Variants in MEI1 observed in about 807,000 individuals in gnomAD.
MEI1 encodes meiotic double-stranded break formation protein 1, also known as meiosis inhibitor protein 1.
MEI1 carries 103 observed loss-of-function variants against 146.2 expected under a neutral mutation model. The observed-to-expected ratio is 0.70, with a 90% confidence interval of 0.60 to 0.83. MEI1 has a LOEUF of 0.83. Among genes scored for constraint, MEI1 ranks in the 40% least tolerant of loss-of-function variants. The pLI is 0.00. For synonymous variants in MEI1, 652 were observed against 628.2 expected (o/e 1.04, Z -0.57); for missense variants, 1,529 against 1,533.0 (o/e 1.00, Z 0.04).
chr22:41,699,514 G>A lies in MEI1; in HGVS notation c.-25G>A, dbSNP rs764481259. 2.1e-5 allele frequency: 33 copies of A among 1,595,434 alleles called. No individual in the cohort carries two copies. The African/African-American group carries it at 2.7e-4, about 13-fold the overall frequency. ...TGCAGTCTGCGCGGGAAAGAGTGCCGCCTCAGCTGAGGGCAAGCGAGGAGA... is the reference window on the plus strand; with the variant it reads ...TGCAGTCTGCGCGGGAAAGAGTGCCACCTCAGCTGAGGGCAAGCGAGGAGA... On this transcript the variant is annotated 5_prime_UTR_variant, in exon 1 of 31. Transcript: ENST00000401548.
At chr22:41,740,450 A>G (rs2072764529) in intron 11 of MEI1, among the ~76,000 whole-genome samples, 1 of 152,128 alleles carries the variant, frequency 6.6e-6, no homozygotes, top group East Asian at 1.9e-4. Flanking sequence ...TGCTAAAAAG[A>G]ATTTAAAGAG....
chr22:41,737,121 C>T (rs1340800370), intron 11 of MEI1, among the ~76,000 whole-genome samples: 3 of 152,208 alleles, frequency 2.0e-5, no homozygotes, highest in African/African-American at 7.2e-5. Flanking sequence ...ATAATATTCC[C>T]TTAAATCATT....
intron 19 of MEI1, among the ~76,000 whole-genome samples, chr22:41,766,276 A>G (rs990143892): frequency 1.3e-5 from 2 of 151,382 alleles, no homozygotes; most frequent in African/African-American, 4.9e-5. Flanking sequence ...GGTTCAAGCA[A>G]TTATCCTGCC....
At chr22:41,765,179 C>A (rs991554017) in intron 19 of MEI1, among the ~76,000 whole-genome samples, 2 of 152,184 alleles carry the variant, frequency 1.3e-5, no homozygotes, top group African/African-American at 4.8e-5. Flanking sequence ...CCACGCCCAG[C>A]TAATTATTGT....
At chr22:41,784,503 T>C (rs2075880702) in intron 25 of MEI1, 83 bp downstream of exon 25, 2 of 1,595,824 alleles carry the variant, frequency 1.3e-6, no homozygotes, top group African/African-American at 1.3e-5. Context: ...CAGCCAATGG[T>C]CACTCCATAA....
At chr22:41,702,797 C>A (rs1463946725) in intron 1 of MEI1, among the ~76,000 whole-genome samples, 1 of 150,910 alleles carries the variant, frequency 6.6e-6, no homozygotes, top group Non-Finnish European at 1.5e-5. Context: ...TTGCTCTTGT[C>A]CCCCAGGCTG....
At chr22:41,780,188 G>T (rs1382373942) in intron 22 of MEI1, among the ~76,000 whole-genome samples, 1 of 152,198 alleles carries the variant, frequency 6.6e-6, no homozygotes, top group Non-Finnish European at 1.5e-5. Context: ...GGGAGTAACA[G>T]GCTGAAACCC....
At position 41,793,048 on chromosome 22, in the gene MEI1, T is replaced by C. The variant is rs1423917376; in HGVS notation, c.3346-781T>C. Among the ~76,000 whole-genome samples the C allele has an allele frequency of 9.6e-3, 1,311 of 136,610 alleles. 46 individuals are homozygous for C. Among genetic ancestry groups the C allele is most frequent in the African/African-American group, 0.033 (1,259 of 37,618 alleles). 89.6% of individuals were successfully genotyped at this position (136,610 alleles called of 152,430 possible). A position where few individuals can be genotyped will look rare whatever the true frequency, so the allele number is the denominator to read the frequency against. On this transcript the variant is annotated intron_variant, in intron 26 of 30. Coordinates refer to ENST00000401548, the MANE Select transcript of MEI1 (RefSeq NM_152513.4). Reference sequence around the variant, plus strand: ...CAAAGCATTCTTTTTTTTTTTTTTTTTTTTTTTTTTTTTTTCAGATAGAGT... The same window carrying C: ...CAAAGCATTCTTTTTTTTTTTTTTTCTTTTTTTTTTTTTTTCAGATAGAGT...
chr22:41,792,476 C>T (rs573651607), intron 26 of MEI1, among the ~76,000 whole-genome samples: 3 of 152,230 alleles, frequency 2.0e-5, no homozygotes, highest in Admixed American at 2.0e-4. Flanking sequence ...ATGAGAACAG[C>T]CTCTATTCCC....
chr22:41,751,772 T>TAAA (rs35211694), intron 15 of MEI1, among the ~76,000 whole-genome samples: 14 of 119,400 alleles, frequency 1.2e-4, no homozygotes, highest in African/African-American at 4.3e-4. Flanking sequence ...AACTCCATCT[T>TAAA]AAAAAAAAAA....
intron 6 of MEI1, among the ~76,000 whole-genome samples, chr22:41,721,866 G>A (rs1016659591): frequency 1.3e-5 from 2 of 150,952 alleles, no homozygotes; most frequent in East Asian, 3.9e-4. Flanking sequence ...GACTACAGGC[G>A]CGTGCTACCA....
intron 9 of MEI1, among the ~76,000 whole-genome samples, chr22:41,731,131 G>A (rs903902197): frequency 1.4e-5 from 2 of 142,848 alleles, no homozygotes; most frequent in African/African-American, 5.4e-5. Flanking sequence ...TCGGCTCACT[G>A]CCACCTCTGC....
In MEI1 at chr22:41,781,759, GC is replaced by G. The variant is rs781738194; in HGVS notation, c.3002del (p.Ala1001GlufsTer42). 3 of 1,613,960 alleles carry G rather than the reference GC, an allele frequency of 1.9e-6. No individual in the cohort carries two copies. The East Asian group carries it at 6.7e-5, about 36-fold the overall frequency. ...EKMLALTLAKADSPRTALLCS... is the reference protein window; with the variant it reads ...EKMLALTLAKXDSPRTALLCS... Reference sequence around the variant, plus strand: ...GATGCTGGCCCTCACCTTGGCAAAGGCAGATTCTCCCAGGACTGCACTCCTC... The same window carrying G: ...GATGCTGGCCCTCACCTTGGCAAAGGAGATTCTCCCAGGACTGCACTCCTC... On this transcript the variant is annotated frameshift_variant, in exon 24 of 31. Coordinates refer to ENST00000401548, the MANE Select transcript of MEI1 (RefSeq NM_152513.4). LOFTEE classifies it high-confidence loss of function.
chr22:41,745,885 G>A lies in MEI1; in HGVS notation c.1539G>A (p.Arg513=), dbSNP rs767447646. The A allele has an allele frequency of 6.2e-7, 1 of 1,604,948 alleles. No homozygotes were observed. The highest frequency in any genetic ancestry group is 1.7e-5 in the Admixed American group (1 of 59,560). Residue 513 remains arginine (R), a splice_region_variant and synonymous_variant, in exon 14 of 31, where the codon AGG becomes AGA. Transcript: ENST00000401548. The part of the protein sequence containing the change: ...STLEGFRSAC[R]LAIEFQSEPS... ...ATATACTCACACATTGATTTCTTAG[G>A]TTGGCTATAGAATTCCAGAGTGAGC...
chr22:41,793,365 A>G (rs1162536927), intron 26 of MEI1, among the ~76,000 whole-genome samples: 1 of 151,922 alleles, frequency 6.6e-6, no homozygotes, highest in Non-Finnish European at 1.5e-5. Context: ...CAAGTGGTGC[A>G]ATCTCAGCTC....
At chr22:41,729,416 A>G in intron 7 of MEI1, among the ~76,000 whole-genome samples, 1 of 152,162 alleles carries the variant, frequency 6.6e-6, no homozygotes, top group Non-Finnish European at 1.5e-5. Flanking sequence ...TAACAGTTAC[A>G]GTGTTCTTTG....
chr22:41,742,550 A>T (rs972752290), intron 11 of MEI1, among the ~76,000 whole-genome samples: 4 of 152,224 alleles, frequency 2.6e-5, no homozygotes, highest in Non-Finnish European at 5.9e-5. Flanking sequence ...TCCCCATAAT[A>T]AGTCTATGAG....
In MEI1 at chr22:41,727,695, C is replaced by A. The variant is rs568123852; in HGVS notation, c.865-1970C>A. ...TCATACTCATAGCTACGATTTACGG[C>A]AGTGTAAGGAAAGCAGTATCAGCAA... On this transcript the variant is annotated intron_variant, in intron 7 of 30. Coordinates refer to ENST00000401548, the MANE Select transcript of MEI1 (RefSeq NM_152513.4). Among the ~76,000 whole-genome samples, 3 of 152,192 alleles carry A rather than the reference C, an allele frequency of 2.0e-5. No homozygotes were observed. In the East Asian group the frequency reaches 5.8e-4, roughly 29 times the overall value.
chr22:41,705,693 A>G (rs1370190502), intron 3 of MEI1, 139 bp downstream of exon 3: 5 of 680,590 alleles, frequency 7.3e-6, no homozygotes, highest in Non-Finnish European at 1.3e-5. Context: ...TCACTAATTC[A>G]ACATTTGTTT....
Sources: gnomAD v4.1 joint callset for allele counts (sites outside exome capture counted in the v4.1 genomes callset) on GRCh38, gnomAD v4.1.1 for gene constraint, MANE v1.5 for transcripts, NCBI Gene and HGNC (gene_info 2026-07-23, HGNC 2026-07-21) for gene names.